The following PCMT1 variants were observed in gnomAD, a reference collection of about 807,000 sequenced individuals.
PCMT1 encodes protein-L-isoaspartate (D-aspartate) O-methyltransferase.
Under a neutral mutation model 29.2 loss-of-function variants are expected in PCMT1, and 9 were observed. That is an observed-to-expected ratio of 0.31 (90% CI 0.19 to 0.54). The LOEUF (loss-of-function observed/expected upper bound fraction) is 0.54. PCMT1 is among the 20% of genes least tolerant of loss of function. PCMT1 has a pLI of 0.95. For synonymous variants in PCMT1, 98 were observed against 97.5 expected (o/e 1.00, Z -0.03); for missense variants, 184 against 282.2 (o/e 0.65, Z 2.49).
intron 6 of PCMT1, among the ~76,000 whole-genome samples, chr6:149,799,627 A>G (rs1391964998): frequency 1.3e-5 from 2 of 152,236 alleles, no homozygotes; most frequent in South Asian, 2.1e-4. Context: ...TTAAAATGCC[A>G]TTTTTGTCAT....
At chr6:149,785,382 G>A (rs1243114382) in intron 3 of PCMT1, among the ~76,000 whole-genome samples, 4 of 137,652 alleles carry the variant, frequency 2.9e-5, no homozygotes, top group African/African-American at 1.1e-4. Context: ...TAATTTAAAT[G>A]TGGTATGTTT....
At chr6:149,793,747 CAG>C (rs769480002) in intron 5 of PCMT1, 78 bp downstream of exon 5, 309 of 1,215,838 alleles carry the variant, frequency 2.5e-4, no homozygotes, top group Non-Finnish European at 3.2e-4. Context: ...AAATAATACT[CAG>C]AGGTAATTAT....
rs186472718 is a variant in PCMT1, at chr6:149,790,000, C to A, written c.239C>A (p.Ala80Asp). The A allele has an allele frequency of 1.2e-6, 2 of 1,611,842 alleles. No individual in the cohort carries two copies. Among genetic ancestry groups the A allele is most frequent in the Non-Finnish European group, 1.7e-6 (2 of 1,179,360 alleles). ...CTATTTGATCAGTTGCATGAAGGAG[C>A]TAAAGCTCTTGATGTAGGATCTGGA... is the stretch of plus-strand genomic sequence containing the variant. ...ELLFDQLHEG[A>D]KALDVGSGSG... The change falls in exon 4 of 8, where the codon GCT (alanine) becomes GAT (aspartate). Residue 80 changes from alanine (A) to aspartate (D), a missense_variant. Physicochemically the swap from Ala to Asp is moderately radical, Grantham distance 126. Coordinates refer to ENST00000464889, the MANE Select transcript of PCMT1 (RefSeq NM_001360452.2).
At chr6:149,795,328 G>A (rs1788557247) in intron 5 of PCMT1, 17 of 389,924 alleles carry the variant, frequency 4.4e-5, no homozygotes, top group Non-Finnish European at 7.9e-5. Flanking sequence ...TAGCAGTACT[G>A]GGAACAGCAG....
intron 6 of PCMT1, chr6:149,796,717 G>T: frequency 2.4e-6 from 1 of 424,860 alleles, no homozygotes; most frequent in Non-Finnish European, 4.2e-6. Context: ...GCTCATATTT[G>T]ATCCAGGTAA....
At chr6:149,806,168 A>AG (rs1776009220) in intron 7 of PCMT1, among the ~76,000 whole-genome samples, 1 of 152,178 alleles carries the variant, frequency 6.6e-6, no homozygotes, top group Non-Finnish European at 1.5e-5. Flanking sequence ...ACTAGGTGCC[A>AG]GGAGTCATCA....
intron 2 of PCMT1, chr6:149,772,030 C>T (rs1171434008): frequency 4.4e-6 from 2 of 456,666 alleles, no homozygotes; most frequent in Non-Finnish European, 8.8e-6. Flanking sequence ...CTGTATTTAA[C>T]TCCTTCTCCT....
At chr6:149,794,931 C>CT (rs2115322679) in intron 5 of PCMT1, 1 of 450,628 alleles carries the variant, frequency 2.2e-6, no homozygotes, top group South Asian at 1.6e-5. Context: ...TGTGGTGGCT[C>CT]ATGCCTGTAA....
intron 1 of PCMT1, among the ~76,000 whole-genome samples, chr6:149,766,745 T>A (rs995643970): frequency 6.6e-6 from 1 of 152,344 alleles, no homozygotes. Context: ...AATGTTTCTT[T>A]CACCCAAAAA....
chr6:149,763,034 G>GAT lies in PCMT1; in HGVS notation c.56-8125_56-8124dup, dbSNP rs1405223001. ...TCTATGATATATATGATATATCTAT[G>GAT]ATATCTATGATATGTATATCTATGA... On this transcript the variant is annotated intron_variant, in intron 1 of 7. Coordinates refer to ENST00000464889, the MANE Select transcript of PCMT1 (RefSeq NM_001360452.2). Among the ~76,000 whole-genome samples, 12 of 48,434 alleles carry GAT rather than the reference G, an allele frequency of 2.5e-4. 2 individuals carry two copies. The highest frequency in any genetic ancestry group is 1.1e-3 in the Admixed American group (3 of 2,656). The allele number at this position is 48,434 out of a possible 152,430, so 31.8% of individuals were successfully genotyped here. A position where few individuals can be genotyped will look rare whatever the true frequency, so the allele number is the denominator to read the frequency against.
rs12207030 is a variant in PCMT1, at chr6:149,792,513, G to A, written c.298-1036G>A. ...CAAAGAAGGGATTTTTGTTGTTGTT[G>A]CTTTTTGTTTGTTTTCTGAGACAGG... On this transcript the variant is annotated intron_variant, in intron 4 of 7. Transcript: ENST00000464889. 2.2e-3 allele frequency among the ~76,000 whole-genome samples: 331 copies of A among 152,062 alleles called. 1 individual carries two copies. Among genetic ancestry groups the A allele is most frequent in the Non-Finnish European group, 3.7e-3 (251 of 67,962 alleles).
chr6:149,782,436 G>A (rs560740244), intron 3 of PCMT1, among the ~76,000 whole-genome samples: 4 of 152,256 alleles, frequency 2.6e-5, no homozygotes, highest in East Asian at 1.9e-4. Flanking sequence ...AATGTGATGC[G>A]TGCAGTGGTG....
At chr6:149,800,480 A>T (rs1337566279) in intron 6 of PCMT1, among the ~76,000 whole-genome samples, 1 of 152,094 alleles carries the variant, frequency 6.6e-6, no homozygotes, top group Non-Finnish European at 1.5e-5. Flanking sequence ...AAACAACAAA[A>T]AACTACAACA....
intron 3 of PCMT1, 92 bp from the exon 4 acceptor site, chr6:149,789,840 GGTTATCTTGGTAGATGACAATA>G: frequency 1.8e-6 from 1 of 545,056 alleles, no homozygotes; most frequent in South Asian, 3.4e-5. Context: ...AAGATAACTT[GGTTATCTTGGTAGATGACAATA>G]GTAGAAAAAT....
chr6:149,811,045 A>C lies in PCMT1; in HGVS notation c.*467A>C, dbSNP rs1202369579. 6.3e-6 allele frequency: 1 copy of C among 159,310 alleles called. No individual in the cohort carries two copies. Among genetic ancestry groups the C allele is most frequent in the Non-Finnish European group, 1.4e-5 (1 of 73,062 alleles). 9.9% of individuals were successfully genotyped at this position (159,310 alleles called of 1,614,324 possible). A position where few individuals can be genotyped will look rare whatever the true frequency, so the allele number is the denominator to read the frequency against. On this transcript the variant is annotated 3_prime_UTR_variant, in exon 8 of 8. Coordinates refer to ENST00000464889, the MANE Select transcript of PCMT1 (RefSeq NM_001360452.2). Reference sequence around the variant, plus strand: ...ACAAGTTAAGATTCTTGGTATTTGGATATCTGTTAGATGCTACTAAGAAAA... The same window carrying C: ...ACAAGTTAAGATTCTTGGTATTTGGCTATCTGTTAGATGCTACTAAGAAAA...
At chr6:149,784,163 C>G (rs1201819950) in intron 3 of PCMT1, among the ~76,000 whole-genome samples, 3 of 152,158 alleles carry the variant, frequency 2.0e-5, no homozygotes, top group Non-Finnish European at 2.9e-5. Flanking sequence ...TAAAAGGGTT[C>G]TGTGGAACAT....
rs73779557 is a variant in PCMT1, at chr6:149,779,111, G to A, written c.192+5942G>A. ...TTAACTGCTTATCCCTCCTCTATGCGCAGAGAGGCTTATCTGTGTTCCATC... is the reference window on the plus strand; with the variant it reads ...TTAACTGCTTATCCCTCCTCTATGCACAGAGAGGCTTATCTGTGTTCCATC... On this transcript the variant is annotated intron_variant, in intron 3 of 7. Transcript: ENST00000464889. Among the ~76,000 whole-genome samples the A allele has an allele frequency of 3.4e-3, 525 of 152,184 alleles. 3 individuals carry two copies. Among genetic ancestry groups the A allele is most frequent in the African/African-American group, 0.012 (499 of 41,510 alleles).
intron 1 of PCMT1, among the ~76,000 whole-genome samples, chr6:149,764,087 T>C (rs1786970003): frequency 6.6e-6 from 1 of 152,210 alleles, no homozygotes; most frequent in African/African-American, 2.4e-5. Flanking sequence ...TGAGAGTCTA[T>C]GAATCACCCT....
chr6:149,762,847 G>T (rs1183937822), intron 1 of PCMT1, among the ~76,000 whole-genome samples: 1 of 37,800 alleles, frequency 2.6e-5, no homozygotes, highest in African/African-American at 2.6e-4. Context: ...ATATATCTAT[G>T]ATATATATCT....
Sources: allele counts gnomAD v4.1 joint callset (sites outside exome capture counted in the v4.1 genomes callset), GRCh38; gene constraint gnomAD v4.1.1; transcripts MANE v1.5; gene names NCBI Gene and HGNC (gene_info 2026-07-23, HGNC 2026-07-21).